Variants in MLIP observed in about 807,000 individuals in gnomAD.
The protein encoded by MLIP is muscular LMNA interacting protein, also known as muscular LMNA-interacting protein.
Under a neutral mutation model 84.8 loss-of-function variants are expected in MLIP, and 79 were observed. The observed-to-expected ratio is 0.93, with a 90% CI of 0.78 to 1.12. The LOEUF (loss-of-function observed/expected upper bound fraction) is 1.12. MLIP is among the 50% of genes most tolerant of loss of function. The probability of loss-of-function intolerance (pLI) is 0.00; values close to 1 mark genes in which losing one functional copy is unlikely to be tolerated. For missense variants in MLIP, 1,257 were observed against 1,160.6 expected, an observed-to-expected ratio of 1.08 and a Z score of -1.21; for synonymous variants, 504 against 463.0, an observed-to-expected ratio of 1.09 and a Z score of -1.14.
intron 10 of MLIP, among the ~76,000 whole-genome samples, chr6:54,191,068 T>A (rs1777876822): frequency 6.6e-6 from 1 of 152,124 alleles, no homozygotes; most frequent in South Asian, 2.1e-4. Context: ...GTGCTGGGAT[T>A]ACAGGTGTGA....
intron 1 of MLIP, among the ~76,000 whole-genome samples, chr6:54,049,089 T>G (rs1362503290): frequency 1.3e-5 from 2 of 152,178 alleles, no homozygotes; most frequent in African/African-American, 4.8e-5. Context: ...CATTAATGTC[T>G]TAAATGTGGA....
intron 5 of MLIP, among the ~76,000 whole-genome samples, chr6:54,153,915 A>G (rs35454189): frequency 1.6e-3 from 236 of 152,120 alleles, no homozygotes; most frequent in Middle Eastern, 3.4e-3. Context: ...CTAATTTAGC[A>G]CATGACCTAT....
rs374539409 is a variant in MLIP, at chr6:54,207,405, C to T, written c.2718+5172C>T. On this transcript the variant is annotated intron_variant, in intron 11 of 13. Transcript: ENST00000502396. ...TTCATACACAGAATTTCCATCACCT[C>T]TGCACCCCCCCCCCCTTTTTTGACA... Among the ~76,000 whole-genome samples, 1,093 of 137,450 alleles carry T rather than the reference C, an allele frequency of 8.0e-3. 17 individuals are homozygous for T. Among genetic ancestry groups the T allele is most frequent in the African/African-American group, 0.028 (1,025 of 36,938 alleles). 90.2% of individuals were successfully genotyped at this position (137,450 alleles called of 152,430 possible). A position where few individuals can be genotyped will look rare whatever the true frequency, so the allele number is the denominator to read the frequency against.
At chr6:54,104,588 T>C (rs1768879377) in intron 1 of MLIP, among the ~76,000 whole-genome samples, 1 of 152,160 alleles carries the variant, frequency 6.6e-6, no homozygotes, top group Non-Finnish European at 1.5e-5. Flanking sequence ...AGACCGGAAA[T>C]ATATACCACC....
At chr6:54,189,460 CTGT>C (rs1777707211) in intron 9 of MLIP, among the ~76,000 whole-genome samples, 1 of 152,026 alleles carries the variant, frequency 6.6e-6, no homozygotes, top group Non-Finnish European at 1.5e-5. Flanking sequence ...AAAGAAATAT[CTGT>C]TATTTGTTTC....
chr6:54,038,537 A>C (rs1017507226), intron 1 of MLIP, among the ~76,000 whole-genome samples: 3 of 151,852 alleles, frequency 2.0e-5, no homozygotes, highest in African/African-American at 7.2e-5. Context: ...AATTTATTAA[A>C]AGCTCTGTTC....
intron 1 of MLIP, among the ~76,000 whole-genome samples, chr6:54,087,677 A>G (rs1240193582): frequency 6.6e-6 from 1 of 152,108 alleles, no homozygotes; most frequent in Admixed American, 6.5e-5. Context: ...CAAGCTGTGG[A>G]CCTGCATGGG....
intron 8 of MLIP, among the ~76,000 whole-genome samples, chr6:54,164,101 G>C (rs1453012184): frequency 6.6e-6 from 1 of 151,838 alleles, no homozygotes; most frequent in Admixed American, 6.6e-5. Flanking sequence ...TGATCTTACA[G>C]ATATTTTTTA....
At chr6:54,062,429 T>C (rs1377717898) in intron 1 of MLIP, among the ~76,000 whole-genome samples, 1 of 152,196 alleles carries the variant, frequency 6.6e-6, no homozygotes, top group Non-Finnish European at 1.5e-5. Context: ...CCAAGTATCC[T>C]CTCCACAGAC....
chr6:54,199,534 G>A (rs768507708), intron 10 of MLIP, among the ~76,000 whole-genome samples: 2 of 152,160 alleles, frequency 1.3e-5, no homozygotes, highest in Non-Finnish European at 2.9e-5. Context: ...GAAAAGGCAT[G>A]AGGAAGGTGC....
intron 10 of MLIP, among the ~76,000 whole-genome samples, chr6:54,191,145 C>G (rs1777885592): frequency 6.6e-6 from 1 of 151,970 alleles, no homozygotes; most frequent in Non-Finnish European, 1.5e-5. Context: ...TTGTAAATTC[C>G]TGAATAATAG....
At chr6:54,210,151 C>CGCACT (rs67613092) in intron 11 of MLIP, among the ~76,000 whole-genome samples, 5 of 150,684 alleles carry the variant, frequency 3.3e-5, no homozygotes, top group African/African-American at 9.8e-5. Flanking sequence ...CGCACCGCAC[C>CGCACT]GCACCGCACC....
chr6:54,215,465 A>G, intron 11 of MLIP: 1 of 1,117,752 alleles, frequency 8.9e-7, no homozygotes, highest in South Asian at 2.9e-5. Flanking sequence ...AAGTGCTTTC[A>G]TCTTTATTGC....
intron 3 of MLIP, among the ~76,000 whole-genome samples, chr6:54,131,043 G>A (rs1015774857): frequency 6.6e-6 from 1 of 152,232 alleles, no homozygotes; most frequent in Non-Finnish European, 1.5e-5. Context: ...GTAGATGTTA[G>A]TGATAACAGT....
Position 54,227,345 on chromosome 6 carries a change from G to A in MLIP, c.2719-3369G>A, listed in dbSNP as rs78111783. 1.8e-3 allele frequency among the ~76,000 whole-genome samples: 268 copies of A among 152,212 alleles called. 1 individual carries two copies. The highest frequency in any genetic ancestry group is 3.0e-3 in the Non-Finnish European group (202 of 68,022). ...ACAAATTAACTAAACCTCTCAAGCT[G>A]ATGAGCAAAAGGAAATGAGATGAGA... On this transcript the variant is annotated intron_variant, in intron 11 of 13. Transcript: ENST00000502396.
At chr6:54,214,206 A>G (rs1250579895) in intron 11 of MLIP, among the ~76,000 whole-genome samples, 1 of 152,226 alleles carries the variant, frequency 6.6e-6, no homozygotes, top group Non-Finnish European at 1.5e-5. Context: ...AGATGTCTCA[A>G]AATGACATCT....
At chr6:54,037,483 CA>C (rs1764510651) in intron 1 of MLIP, among the ~76,000 whole-genome samples, 1 of 151,558 alleles carries the variant, frequency 6.6e-6, no homozygotes, top group African/African-American at 2.4e-5. Flanking sequence ...GAGAGAGAGA[CA>C]GGGAGAGAGA....
At chr6:54,224,769 T>C (rs899089246) in intron 11 of MLIP, among the ~76,000 whole-genome samples, 10 of 151,686 alleles carry the variant, frequency 6.6e-5, no homozygotes, top group Admixed American at 2.6e-4. Flanking sequence ...CAAAGTTCAT[T>C]GTATCATTCT....
At chr6:54,134,604 T>C (rs1316658700) in intron 3 of MLIP, among the ~76,000 whole-genome samples, 1 of 151,972 alleles carries the variant, frequency 6.6e-6, no homozygotes, top group Non-Finnish European at 1.5e-5. Context: ...TTAGGTAAAA[T>C]ATTAATTAAT....
Sources: gnomAD v4.1 joint callset for allele counts (sites outside exome capture counted in the v4.1 genomes callset) on GRCh38, gnomAD v4.1.1 for gene constraint, MANE v1.5 for transcripts, NCBI Gene and HGNC (gene_info 2026-07-23, HGNC 2026-07-21) for gene names.